The following NXPE2 variants were observed in gnomAD, a reference collection of about 807,000 sequenced individuals.
NXPE2 encodes neurexophilin and PC-esterase domain family member 2.
Under a neutral mutation model 34.4 loss-of-function variants are expected in NXPE2, and 34 were observed. The observed-to-expected ratio is 0.99, with a 90% confidence interval of 0.75 to 1.31. NXPE2 has a LOEUF of 1.31. NXPE2 is among the 40% of genes most tolerant of loss of function. The probability of loss-of-function intolerance (pLI) is 0.00; values close to 1 mark genes in which losing one functional copy is unlikely to be tolerated. For missense variants in NXPE2, 649 were observed against 672.5 expected, an observed-to-expected ratio of 0.97 and a Z score of 0.39; for synonymous variants, 235 against 231.3, an observed-to-expected ratio of 1.02 and a Z score of -0.15.
the NXPE2 span, chr11:114,594,608 T>C: frequency 9.0e-7 from 1 of 1,113,868 alleles, no homozygotes; most frequent in Non-Finnish European, 1.4e-6. Context: ...CTAGAACAGA[T>C]GAGGTAATAA....
the NXPE2 span, among the ~76,000 whole-genome samples, chr11:114,563,099 A>T: frequency 6.6e-6 from 1 of 152,118 alleles, no homozygotes; most frequent in East Asian, 1.9e-4. Flanking sequence ...CATGATTGAG[A>T]GTCTCAGAGT....
chr11:114,610,129 G>A, the NXPE2 span, among the ~76,000 whole-genome samples: 23 of 151,698 alleles, frequency 1.5e-4, no homozygotes, highest in South Asian at 4.2e-4. Context: ...CCGTTACCCC[G>A]TGGATAATAA....
the NXPE2 span, among the ~76,000 whole-genome samples, chr11:114,641,845 A>G: frequency 6.6e-6 from 1 of 152,072 alleles, no homozygotes; most frequent in Non-Finnish European, 1.5e-5. Context: ...AAGATTTTTT[A>G]AAGATTATTT....
At chr11:114,658,129 A>G in the NXPE2 span, among the ~76,000 whole-genome samples, 1 of 152,188 alleles carries the variant, frequency 6.6e-6, no homozygotes, top group African/African-American at 2.4e-5. Flanking sequence ...AATCCGGATA[A>G]TCTGCAAAAT....
At chr11:114,679,204 C>T (rs980809669) in intron 1 of NXPE2, among the ~76,000 whole-genome samples, 5 of 145,254 alleles carry the variant, frequency 3.4e-5, no homozygotes, top group African/African-American at 1.3e-4. Flanking sequence ...GCTCTTGAGG[C>T]AGATAAGACC....
At chr11:114,709,844 G>A (rs56405853), downstream of NXPE2, among the ~76,000 whole-genome samples, 2,368 of 151,948 alleles carry the variant, frequency 0.016, 42 homozygotes, top group African/African-American at 0.052. Flanking sequence ...GGAGGTTGCA[G>A]TGAGCCAAGA....
At chr11:114,646,555 A>G in the NXPE2 span, among the ~76,000 whole-genome samples, 2 of 152,094 alleles carry the variant, frequency 1.3e-5, no homozygotes, top group Non-Finnish European at 2.9e-5. Context: ...GTGAGTTATC[A>G]TAAGTCAAAT....
the NXPE2 span, among the ~76,000 whole-genome samples, chr11:114,470,626 T>C: frequency 6.7e-6 from 1 of 149,488 alleles, no homozygotes; most frequent in Non-Finnish European, 1.5e-5. Flanking sequence ...TGTGTGTGTA[T>C]ACAGAGAGGT....
chr11:114,600,916 A>C, the NXPE2 span, among the ~76,000 whole-genome samples: 1 of 152,016 alleles, frequency 6.6e-6, no homozygotes, highest in Non-Finnish European at 1.5e-5. Context: ...TCAAATGGGA[A>C]AATATAATAT....
At chr11:114,713,295 ATGT>A in the NXPE2 span, among the ~76,000 whole-genome samples, 2 of 152,172 alleles carry the variant, frequency 1.3e-5, no homozygotes, top group Non-Finnish European at 2.9e-5. Context: ...TAAGAGGATA[ATGT>A]TGTTTTGTTA....
At chr11:114,772,779 T>C in the NXPE2 span, among the ~76,000 whole-genome samples, 2 of 152,096 alleles carry the variant, frequency 1.3e-5, no homozygotes. Flanking sequence ...GCTTGGCTCA[T>C]GGAGACAGTC....
At chr11:114,693,726 A>G (rs965445919) in intron 2 of NXPE2, among the ~76,000 whole-genome samples, 6 of 152,242 alleles carry the variant, frequency 3.9e-5, no homozygotes, top group African/African-American at 1.4e-4. Context: ...AAAACTATTT[A>G]GAGAATGAAG....
the NXPE2 span, among the ~76,000 whole-genome samples, chr11:114,497,761 CAT>C: frequency 6.6e-6 from 1 of 152,182 alleles, no homozygotes; most frequent in Admixed American, 6.5e-5. Context: ...AGATATTCCA[CAT>C]ATTTTATTAT....
the NXPE2 span, chr11:114,551,469 AG>A: frequency 8.5e-7 from 1 of 1,171,512 alleles, no homozygotes; most frequent in Non-Finnish European, 1.1e-6. Context: ...GTCACCTTAT[AG>A]GTTCTCTTAA....
chr11:114,658,990 G>A, the NXPE2 span, among the ~76,000 whole-genome samples: 1 of 152,018 alleles, frequency 6.6e-6, no homozygotes, highest in Admixed American at 6.6e-5. Context: ...CAAAGCTAAG[G>A]GTGAAATAGG....
the NXPE2 span, among the ~76,000 whole-genome samples, chr11:114,577,579 T>C: frequency 6.6e-6 from 1 of 152,168 alleles, no homozygotes; most frequent in African/African-American, 2.4e-5. Flanking sequence ...AAAAGTGTTA[T>C]GTAAATGTGA....
At chr11:114,700,707 A>C (rs948556254) in intron 3 of NXPE2, among the ~76,000 whole-genome samples, 2 of 152,242 alleles carry the variant, frequency 1.3e-5, no homozygotes, top group African/African-American at 4.8e-5. Context: ...AATCTGGAGA[A>C]ATAATTAAAG....
the NXPE2 span, among the ~76,000 whole-genome samples, chr11:114,502,124 C>T: frequency 6.6e-6 from 1 of 152,146 alleles, no homozygotes; most frequent in Non-Finnish European, 1.5e-5. Context: ...CTAACTGTGA[C>T]ACATACAAGT....
chr11:114,477,948 A>G, the NXPE2 span, among the ~76,000 whole-genome samples: 1 of 152,188 alleles, frequency 6.6e-6, no homozygotes, highest in Admixed American at 6.5e-5. Flanking sequence ...ATCTTAACAA[A>G]GAGTGGTACC....
Sources: gnomAD v4.1 joint callset for allele counts (sites outside exome capture counted in the v4.1 genomes callset) on GRCh38, gnomAD v4.1.1 for gene constraint, MANE v1.5 for transcripts, NCBI Gene and HGNC (gene_info 2026-07-23, HGNC 2026-07-21) for gene names.